Variants in KLHL32 observed in about 807,000 individuals in gnomAD.
KLHL32 encodes kelch-like protein 32.
Under a neutral mutation model 64.8 loss-of-function variants are expected in KLHL32, and 35 were observed. That is an observed-to-expected ratio of 0.54 (90% confidence interval 0.41 to 0.72). The LOEUF (loss-of-function observed/expected upper bound fraction) is 0.72. Ranked by LOEUF, KLHL32 falls within the 30% of genes least tolerant of loss-of-function variation. KLHL32 has a pLI of 0.00. For missense variants in KLHL32, 589 were observed against 768.5 expected, an observed-to-expected ratio of 0.77 and a Z score of 2.76; for synonymous variants, 259 against 281.0, an observed-to-expected ratio of 0.92 and a Z score of 0.78.
At chr6:97,106,642 G>T (rs1424407509) in intron 6 of KLHL32, among the ~76,000 whole-genome samples, 1 of 151,992 alleles carries the variant, frequency 6.6e-6, no homozygotes, top group Non-Finnish European at 1.5e-5. Flanking sequence ...TACTTGGGAG[G>T]CTGAGACAGG....
the KLHL32 span, among the ~76,000 whole-genome samples, chr6:96,917,524 A>T: frequency 6.6e-6 from 1 of 152,230 alleles, no homozygotes; most frequent in Non-Finnish European, 1.5e-5. Context: ...AGAAAACAAC[A>T]GCTATGACAG....
intron 1 of KLHL32, among the ~76,000 whole-genome samples, chr6:96,966,483 A>T (rs562617292): frequency 6.6e-6 from 1 of 152,032 alleles, no homozygotes; most frequent in East Asian, 1.9e-4. Context: ...ACTGATTTTT[A>T]TTCTCTCTCT....
At chr6:97,026,829 A>C (rs184427083) in intron 3 of KLHL32, among the ~76,000 whole-genome samples, 2 of 152,310 alleles carry the variant, frequency 1.3e-5, no homozygotes, top group East Asian at 3.9e-4. Context: ...GAAATTCCAC[A>C]CTATTATCTT....
chr6:96,952,101 G>T (rs1772697175), intron 1 of KLHL32, among the ~76,000 whole-genome samples: 1 of 152,154 alleles, frequency 6.6e-6, no homozygotes. Flanking sequence ...GTGAGTGTGT[G>T]TGAGTGCACC....
At chr6:96,972,224 CAT>C (rs1292643297) in intron 2 of KLHL32, among the ~76,000 whole-genome samples, 1 of 152,118 alleles carries the variant, frequency 6.6e-6, no homozygotes, top group African/African-American at 2.4e-5. Flanking sequence ...ATAATTTAAA[CAT>C]GTAATCAGTA....
At chr6:97,134,420 A>T (rs189200945) in intron 10 of KLHL32, among the ~76,000 whole-genome samples, 1 of 152,300 alleles carries the variant, frequency 6.6e-6, no homozygotes, top group African/African-American at 2.4e-5. Context: ...CTTTTCTCTC[A>T]AAGAGTGCTT....
chr6:96,928,342 T>TG (rs1208957891), intron 1 of KLHL32, among the ~76,000 whole-genome samples: 3 of 152,256 alleles, frequency 2.0e-5, no homozygotes, highest in African/African-American at 7.2e-5. Flanking sequence ...ATGATGCTAG[T>TG]GATACCTAAT....
intron 3 of KLHL32, among the ~76,000 whole-genome samples, chr6:97,015,141 A>G (rs767045031): frequency 6.6e-6 from 1 of 152,168 alleles, no homozygotes; most frequent in African/African-American, 2.4e-5. Flanking sequence ...AGGCCTCCCT[A>G]GCCATGTGCA....
rs544262905 is a variant in KLHL32 at position 97,028,797 on chromosome 6, G to T, written c.205-12695G>T. ...ATGGTTTAGCAAATGTATTCAATAA[G>T]AAAGCGTAAAAGTGCCATCCCTAAA... On this transcript the variant is annotated intron_variant, in intron 3 of 10. Transcript: ENST00000369261. 2.6e-5 allele frequency among the ~76,000 whole-genome samples: 4 copies of T among 152,304 alleles called. No individual in the cohort carries two copies. The South Asian group carries it at 8.3e-4, about 32-fold the overall frequency.
intron 3 of KLHL32, among the ~76,000 whole-genome samples, chr6:97,021,631 C>T (rs984069992): frequency 2.7e-5 from 4 of 150,812 alleles, no homozygotes; most frequent in African/African-American, 5.0e-5. Context: ...TAATGTTTTA[C>T]CAAATATCTA....
At chr6:97,012,573 T>G (rs912881285) in intron 3 of KLHL32, among the ~76,000 whole-genome samples, 8 of 152,240 alleles carry the variant, frequency 5.3e-5, no homozygotes, top group African/African-American at 1.9e-4. Context: ...CCACGAAGTT[T>G]GTGGTACTAT....
At chr6:97,033,959 A>G (rs1562263675) in intron 3 of KLHL32, among the ~76,000 whole-genome samples, 1 of 152,056 alleles carries the variant, frequency 6.6e-6, no homozygotes, top group East Asian at 1.9e-4. Flanking sequence ...TGGCTTGCAA[A>G]TATTTTTCCC....
intron 3 of KLHL32, among the ~76,000 whole-genome samples, chr6:97,003,260 AT>A (rs1345122245): frequency 6.6e-6 from 1 of 152,098 alleles, no homozygotes; most frequent in East Asian, 1.9e-4. Flanking sequence ...GATGATGAAC[AT>A]TTTTTCATAT....
In KLHL32 at chr6:97,085,382, C is replaced by G. The variant is rs1328559679; in HGVS notation, c.627+41C>G. On this transcript the variant is annotated intron_variant, in intron 6 of 10. Transcript: ENST00000369261. ...ACGGTCGCTTTTGGCACTGAAAAAG[C>G]ATGCCGTGATTGGAAGTTAAAGGAC... is the stretch of plus-strand genomic sequence containing the variant. 1.9e-6 allele frequency: 3 copies of G among 1,544,334 alleles called. No homozygotes were observed. The African/African-American group carries it at 4.1e-5, about 21-fold the overall frequency.
chr6:96,905,612 C>T, the KLHL32 span, among the ~76,000 whole-genome samples: 1 of 152,180 alleles, frequency 6.6e-6, no homozygotes, highest in African/African-American at 2.4e-5. Context: ...AACAATACTA[C>T]TTATTTCATA....
chr6:97,106,978 T>G (rs1796492392), intron 6 of KLHL32, among the ~76,000 whole-genome samples: 1 of 152,174 alleles, frequency 6.6e-6, no homozygotes, highest in Non-Finnish European at 1.5e-5. Flanking sequence ...GAATTTATTT[T>G]TCTAATTTAT....
At chr6:97,095,394 C>T (rs891724483) in intron 6 of KLHL32, among the ~76,000 whole-genome samples, 1 of 152,164 alleles carries the variant, frequency 6.6e-6, no homozygotes, top group Non-Finnish European at 1.5e-5. Context: ...TCTTTTTGCT[C>T]TTCTCATCTC....
At chr6:97,094,270 G>A (rs971745801) in intron 6 of KLHL32, among the ~76,000 whole-genome samples, 1 of 152,080 alleles carries the variant, frequency 6.6e-6, no homozygotes, top group African/African-American at 2.4e-5. Flanking sequence ...CTATAGGAGA[G>A]GATGTAAATT....
chr6:97,122,285 A>T (rs1798448333), intron 7 of KLHL32, among the ~76,000 whole-genome samples: 1 of 152,166 alleles, frequency 6.6e-6, no homozygotes, highest in Non-Finnish European at 1.5e-5. Context: ...TATATTAAGT[A>T]CCCATCATCT....
Sources: allele counts gnomAD v4.1 joint callset (sites outside exome capture counted in the v4.1 genomes callset), GRCh38; gene constraint gnomAD v4.1.1; transcripts MANE v1.5; gene names NCBI Gene and HGNC (gene_info 2026-07-23, HGNC 2026-07-21).